Variants in THEMIS observed in about 807,000 individuals in gnomAD.
The protein encoded by THEMIS is thymocyte selection associated.
THEMIS carries 37 observed loss-of-function variants against 52.6 expected under a neutral mutation model. The ratio of observed to expected loss-of-function variants is 0.70; its 90% CI spans 0.54 to 0.93. The LOEUF (loss-of-function observed/expected upper bound fraction) is 0.93, where lower values mean the gene tolerates loss of function less well. Among genes scored for constraint, THEMIS ranks in the 40% least tolerant of loss-of-function variants. THEMIS has a pLI of 0.00. For synonymous variants in THEMIS, 292 were observed against 272.7 expected (o/e 1.07, Z -0.70); for missense variants, 808 against 763.1 (o/e 1.06, Z -0.69).
At chr6:127,725,452 G>C (rs565332799) in intron 4 of THEMIS, among the ~76,000 whole-genome samples, 3 of 151,030 alleles carry the variant, frequency 2.0e-5, no homozygotes, top group African/African-American at 4.9e-5. Flanking sequence ...GTGTGTGTCT[G>C]TGTGTGTGTG....
intron 2 of THEMIS, among the ~76,000 whole-genome samples, chr6:127,834,444 C>T (rs1012706232): frequency 2.8e-5 from 4 of 145,270 alleles, no homozygotes; most frequent in African/African-American, 7.6e-5. Flanking sequence ...AAAAGCTGGG[C>T]GTGGTGGTGC....
chr6:127,805,133 T>C (rs1777657596), intron 4 of THEMIS, among the ~76,000 whole-genome samples: 1 of 152,132 alleles, frequency 6.6e-6, no homozygotes, highest in South Asian at 2.1e-4. Flanking sequence ...TCTGATTTTA[T>C]AGAATTCTCT....
intron 2 of THEMIS, among the ~76,000 whole-genome samples, chr6:127,832,862 C>A (rs944265318): frequency 1.5e-5 from 2 of 129,978 alleles, no homozygotes; most frequent in African/African-American, 5.9e-5. Context: ...CGGCTCACTG[C>A]AAACTCCGAC....
At chr6:127,917,594 C>T (rs563243467) in intron 1 of THEMIS, among the ~76,000 whole-genome samples, 260 of 152,308 alleles carry the variant, frequency 1.7e-3, no homozygotes, top group Admixed American at 2.8e-3. Flanking sequence ...AGCTCCTAGT[C>T]ATGAGAATTC....
chr6:127,727,300 C>T (rs1774583408), intron 4 of THEMIS, among the ~76,000 whole-genome samples: 1 of 152,056 alleles, frequency 6.6e-6, no homozygotes, highest in Admixed American at 6.6e-5. Context: ...AGCCAAAGGG[C>T]AGGAAAATTA....
intron 4 of THEMIS, among the ~76,000 whole-genome samples, chr6:127,734,917 G>T (rs78189546): frequency 9.6e-6 from 1 of 104,110 alleles, no homozygotes; most frequent in Non-Finnish European, 2.0e-5. Context: ...ATATATATGT[G>T]TGTGTGTGTG....
chr6:127,722,040 C>T (rs1774380652), intron 4 of THEMIS, among the ~76,000 whole-genome samples: 7 of 152,010 alleles, frequency 4.6e-5, no homozygotes, highest in Admixed American at 4.6e-4. Context: ...AAAATAGCCC[C>T]TTCATCAGAA....
chr6:127,799,732 T>C (rs1275425911), intron 4 of THEMIS, among the ~76,000 whole-genome samples: 1 of 152,148 alleles, frequency 6.6e-6, no homozygotes, highest in Non-Finnish European at 1.5e-5. Context: ...TGATTTTCTC[T>C]GGCCAATTAA....
At chr6:127,729,154 C>G (rs1774660880) in intron 4 of THEMIS, among the ~76,000 whole-genome samples, 1 of 25,874 alleles carries the variant, frequency 3.9e-5, no homozygotes, top group Non-Finnish European at 1.2e-4. Context: ...CTCTCTCTCT[C>G]TCTCTCTCTC....
At chr6:127,792,289 A>G (rs1777185076) in intron 4 of THEMIS, among the ~76,000 whole-genome samples, 1 of 152,240 alleles carries the variant, frequency 6.6e-6, no homozygotes, top group African/African-American at 2.4e-5. Flanking sequence ...TAGCTTTTAC[A>G]GCAGGCATCA....
At chr6:127,796,162 G>C (rs1008558224) in intron 4 of THEMIS, among the ~76,000 whole-genome samples, 1 of 152,142 alleles carries the variant, frequency 6.6e-6, no homozygotes, top group Non-Finnish European at 1.5e-5. Context: ...GCATTTTAAT[G>C]CATTTGATTT....
intron 4 of THEMIS, among the ~76,000 whole-genome samples, chr6:127,727,574 A>G (rs922965258): frequency 6.6e-6 from 1 of 152,186 alleles, no homozygotes; most frequent in African/African-American, 2.4e-5. Flanking sequence ...CCTTCTGAGT[A>G]TTAAAATACA....
chr6:127,722,879 C>T (rs1774411132), intron 4 of THEMIS, among the ~76,000 whole-genome samples: 1 of 152,010 alleles, frequency 6.6e-6, no homozygotes, highest in Admixed American at 6.6e-5. Flanking sequence ...TGATCTTGGA[C>T]AATATCCATA....
intron 4 of THEMIS, among the ~76,000 whole-genome samples, chr6:127,769,750 G>A (rs965721202): frequency 5.3e-5 from 8 of 152,060 alleles, no homozygotes; most frequent in African/African-American, 1.9e-4. Context: ...ATTTGCATTA[G>A]GTATTTCTCC....
Position 127,829,707 on chromosome 6 carries a change from T to C in THEMIS, c.478A>G (p.Thr160Ala), listed in dbSNP as rs906995258. The C allele has an allele frequency of 1.2e-6, 2 of 1,614,066 alleles. No homozygotes were observed. Among genetic ancestry groups the C allele is most frequent in the African/African-American group, 1.3e-5 (1 of 75,028 alleles). Reference protein sequence around the residue: ...VSCAVARNHQTHSFNLPLSQE... With the variant: ...VSCAVARNHQAHSFNLPLSQE... ...GACAAAGGCAAATTAAATGAGTGAG[T>C]TTGATGATTCCTTGCTACTGCACAG... is the stretch of plus-strand genomic sequence containing the variant. Residue 160 changes from threonine (T) to alanine (A), a missense_variant, in exon 3 of 6, where the codon ACT becomes GCT. Transcript: ENST00000368248.
chr6:127,800,821 T>C (rs1282295939), intron 4 of THEMIS, among the ~76,000 whole-genome samples: 1 of 152,198 alleles, frequency 6.6e-6, no homozygotes, highest in East Asian at 1.9e-4. Context: ...TCTTCAGTTT[T>C]GGAATTGGAC....
chr6:127,829,727 G>T lies in THEMIS; in HGVS notation c.458C>A (p.Ala153Glu). Residue 153 changes from alanine (A) to glutamate (E), a missense_variant, in exon 3 of 6, where the codon GCA becomes GAA. Coordinates refer to ENST00000368248, the MANE Select transcript of THEMIS (RefSeq NM_001010923.3). ...EIDGEIMVSCAVARNHQTHSF... is the reference protein window; with the variant it reads ...EIDGEIMVSCEVARNHQTHSF... ...GTGAGTTTGATGATTCCTTGCTACT[G>T]CACAGCTCACCATTATTTCTCCATC... is the stretch of plus-strand genomic sequence containing the variant. The T allele has an allele frequency of 6.2e-7, 1 of 1,614,046 alleles. No individual in the cohort carries two copies.
chr6:127,856,296 A>G (rs898151470), intron 1 of THEMIS, among the ~76,000 whole-genome samples: 1 of 151,982 alleles, frequency 6.6e-6, no homozygotes, highest in Non-Finnish European at 1.5e-5. Flanking sequence ...CCTGGTATCC[A>G]ATCTAGCTCT....
intron 1 of THEMIS, among the ~76,000 whole-genome samples, chr6:127,886,894 T>G (rs781380771): frequency 1.3e-5 from 2 of 152,090 alleles, no homozygotes; most frequent in Non-Finnish European, 2.9e-5. Context: ...GTTCGAGTTC[T>G]TCTAGAGAAT....
Sources: allele counts gnomAD v4.1 joint callset (sites outside exome capture counted in the v4.1 genomes callset), GRCh38; gene constraint gnomAD v4.1.1; transcripts MANE v1.5; gene names NCBI Gene and HGNC (gene_info 2026-07-23, HGNC 2026-07-21).